POLK: variants seen among roughly 807,000 people sequenced by gnomAD.
POLK encodes polymerase (DNA directed) kappa.
A neutral mutation model predicts 94.0 loss-of-function variants in POLK; 76 were observed. The observed-to-expected ratio is 0.81, with a 90% CI of 0.67 to 0.98. The LOEUF is 0.98. POLK is among the 50% of genes least tolerant of loss of function. The pLI is 0.00. For missense variants in POLK, 954 were observed against 1,010.1 expected, an observed-to-expected ratio of 0.94 and a Z score of 0.75; for synonymous variants, 349 against 325.4, an observed-to-expected ratio of 1.07 and a Z score of -0.78.
At chr5:75,605,132 C>A (rs1773387991), downstream of POLK, among the ~76,000 whole-genome samples, 1 of 151,336 alleles carries the variant, frequency 6.6e-6, no homozygotes, top group Non-Finnish European at 1.5e-5. Flanking sequence ...CACACACACA[C>A]ACACACACAC....
chr5:75,584,537 G>A lies in POLK; in HGVS notation c.1060-223G>A, dbSNP rs370383520. 1.2e-4 allele frequency among the ~76,000 whole-genome samples: 19 copies of A among 152,062 alleles called. No individual in the cohort carries two copies. In the East Asian group the frequency reaches 1.9e-3, roughly 15 times the overall value. On this transcript the variant is annotated intron_variant, in intron 8 of 14. Transcript: ENST00000241436. ...TACAAAATTAGCCGGGTATGGTGGC[G>A]CATGTCTGTAATCCCAGCTGCTCAG...
At chr5:75,591,400 T>A (rs1772776970) in intron 11 of POLK, among the ~76,000 whole-genome samples, 1 of 151,982 alleles carries the variant, frequency 6.6e-6, no homozygotes, top group Non-Finnish European at 1.5e-5. Context: ...ATTTAAAGAA[T>A]TTTCTTTTTA....
At chr5:75,515,557 G>A (rs1768283472) in intron 1 of POLK, among the ~76,000 whole-genome samples, 1 of 152,170 alleles carries the variant, frequency 6.6e-6, no homozygotes, top group African/African-American at 2.4e-5. Context: ...TGTGAATAGT[G>A]CTGTAATAAA....
chr5:75,607,440 C>T, the POLK span, among the ~76,000 whole-genome samples: 1 of 150,512 alleles, frequency 6.6e-6, no homozygotes, highest in South Asian at 2.1e-4. Context: ...TGCACTCCAA[C>T]CTGGGTGACA....
At position 75,570,284 on chromosome 5, in the gene POLK, T is replaced by G. The variant is rs1394011687; in HGVS notation, c.408+792T>G. ...AATAATTTCCATGGCAAATTAAATT[T>G]TTCCATAAGTAACCGTTCTAGTTAA... On this transcript the variant is annotated intron_variant, in intron 4 of 14. Transcript: ENST00000241436. Among the ~76,000 whole-genome samples, 5 of 152,208 alleles carry G rather than the reference T, an allele frequency of 3.3e-5. No homozygotes were observed. In the East Asian group the frequency reaches 7.7e-4, roughly 23 times the overall value.
At chr5:75,521,619 G>A (rs889216777) in intron 1 of POLK, among the ~76,000 whole-genome samples, 5 of 152,134 alleles carry the variant, frequency 3.3e-5, no homozygotes, top group Non-Finnish European at 5.9e-5. Flanking sequence ...GTCCATTTGA[G>A]GAGATAATGG....
intron 7 of POLK, chr5:75,582,535 A>C (rs1400502417): frequency 6.6e-6 from 1 of 152,268 alleles, no homozygotes; most frequent in East Asian, 1.9e-4. Flanking sequence ...TACTGTAACC[A>C]GAATCTTTGA....
At chr5:75,560,764 C>T (rs983424697) in intron 3 of POLK, among the ~76,000 whole-genome samples, 9 of 152,038 alleles carry the variant, frequency 5.9e-5, no homozygotes, top group Admixed American at 1.3e-4. Flanking sequence ...TGAGAACATG[C>T]AGTGTTTGGT....
intron 7 of POLK, chr5:75,582,948 GAA>G (rs34457772): frequency 1.3e-3 from 164 of 127,290 alleles, no homozygotes; most frequent in South Asian, 2.2e-3. Flanking sequence ...GACTCCATCT[GAA>G]AAAAAAAAAA....
At chr5:75,511,014 G>A, upstream of POLK, 2 of 1,410,524 alleles carry the variant, frequency 1.4e-6, no homozygotes, top group Non-Finnish European at 1.9e-6. Flanking sequence ...ACCCCGGCAC[G>A]TTCCGCGCCT....
intron 1 of POLK, among the ~76,000 whole-genome samples, chr5:75,516,519 G>C (rs1280995864): frequency 6.6e-6 from 1 of 152,138 alleles, no homozygotes; most frequent in African/African-American, 2.4e-5. Context: ...AATAAAATTA[G>C]CTGGATGTGG....
chr5:75,546,211 T>A (rs569540459), intron 1 of POLK, among the ~76,000 whole-genome samples: 1 of 152,346 alleles, frequency 6.6e-6, no homozygotes, highest in Admixed American at 6.5e-5. Flanking sequence ...GTTATATTTG[T>A]TCTGTACTGT....
At chr5:75,576,971 T>TA in intron 6 of POLK, 38 bp downstream of exon 6, 5 of 1,322,760 alleles carry the variant, frequency 3.8e-6, no homozygotes, top group East Asian at 2.6e-5. Context: ...CAAGAAGCAG[T>TA]GAAAAAAAAA....
At chr5:75,598,022 T>C in exon 15 of POLK, 1 of 1,054,356 alleles carries the variant, frequency 9.5e-7, no homozygotes. Context: ...TAAGTAAACA[T>C]TGAACATTTT....
intron 3 of POLK, among the ~76,000 whole-genome samples, chr5:75,558,380 G>A (rs915089461): frequency 1.3e-5 from 2 of 151,786 alleles, no homozygotes; most frequent in African/African-American, 2.4e-5. Context: ...TGTGAAGTAT[G>A]TTTTTCTTAA....
In POLK at chr5:75,590,290, A is replaced by G. The variant is rs1287449216; in HGVS notation, c.1260-54A>G. On this transcript the variant is annotated intron_variant, in intron 10 of 14. Coordinates refer to ENST00000241436, the Ensembl canonical transcript of POLK. ...ATATAAACATGCATACCATTTCCAA[A>G]TTATCCTGGATTATAGTTTACTTTG... The G allele has an allele frequency of 1.4e-5, 13 of 955,320 alleles. No individual in the cohort carries two copies. In the East Asian group the frequency reaches 3.2e-4, roughly 23 times the overall value. 59.2% of individuals were successfully genotyped at this position (955,320 alleles called of 1,614,324 possible).
chr5:75,529,254 G>A (rs1047366185), intron 1 of POLK, among the ~76,000 whole-genome samples: 2 of 152,088 alleles, frequency 1.3e-5, no homozygotes, highest in African/African-American at 4.8e-5. Flanking sequence ...CATGGAGAGA[G>A]CAGGAGCAAA....
chr5:75,552,179 G>A (rs755524456), intron 2 of POLK, among the ~76,000 whole-genome samples: 2 of 152,140 alleles, frequency 1.3e-5, no homozygotes, highest in African/African-American at 2.4e-5. Flanking sequence ...AGGACATACT[G>A]TTCTTTTCTG....
chr5:75,608,932 C>T, the POLK span: 1 of 152,184 alleles, frequency 6.6e-6, no homozygotes, highest in Non-Finnish European at 1.5e-5. Context: ...TGAGAACTAA[C>T]CTGATATTTG....
Sources: gnomAD v4.1 joint callset for allele counts (sites outside exome capture counted in the v4.1 genomes callset) on GRCh38, gnomAD v4.1.1 for gene constraint, MANE v1.5 for transcripts, NCBI Gene and HGNC (gene_info 2026-07-23, HGNC 2026-07-21) for gene names.